MXD1: variants seen among roughly 807,000 people sequenced by gnomAD.
MXD1 encodes MAX dimerization protein 1.
In MXD1, 9 loss-of-function variants were observed where a neutral mutation model predicts 25.7. The ratio of observed to expected loss-of-function variants is 0.35; its 90% confidence interval spans 0.21 to 0.61. The LOEUF (loss-of-function observed/expected upper bound fraction) is 0.61. MXD1 is among the 20% of genes least tolerant of loss of function. MXD1 has a pLI of 0.75. For synonymous variants in MXD1, 99 were observed against 113.9 expected (o/e 0.87, Z 0.83); for missense variants, 227 against 292.4 (o/e 0.78, Z 1.63).
rs1676945739 is a variant in MXD1, at chr2:69,915,541, C to T, written c.73+138C>T. 4.9e-6 allele frequency: 3 copies of T among 617,530 alleles called. No homozygotes were observed. The highest frequency in any genetic ancestry group is 7.2e-6 in the Non-Finnish European group (3 of 416,968). 38.3% of individuals were successfully genotyped at this position (617,530 alleles called of 1,614,324 possible). ...GAGCGCTCCCAACCCCTCTGGCTCT[C>T]CCCACGCGCGGTCCGAAGGGAAGCC... On this transcript the variant is annotated intron_variant, in intron 1 of 5. Coordinates refer to ENST00000264444, the MANE Select transcript of MXD1 (RefSeq NM_002357.4). The surrounding 1 kb of genome is among the most constrained non-coding windows in gnomAD (Gnocchi z 5.8).
At chr2:69,930,119 T>C (rs1677250997) in intron 3 of MXD1, among the ~76,000 whole-genome samples, 1 of 152,212 alleles carries the variant, frequency 6.6e-6, no homozygotes, top group African/African-American at 2.4e-5. Flanking sequence ...GTTTGGAGGA[T>C]TCATATCCAG....
rs1311195465 is a variant in MXD1 at position 69,942,382 on chromosome 2, T to TA, written c.*4099dup. On this transcript the variant is annotated 3_prime_UTR_variant, in exon 6 of 6. Coordinates refer to ENST00000264444, the MANE Select transcript of MXD1 (RefSeq NM_002357.4). The stretch of plus-strand genomic sequence containing the variant: ...TCATGGTTTTTTTCATTATCAATAT[T>TA]ACATGGATGATTTTCTCAGATTCTT... 1 of 152,166 alleles carries TA rather than the reference T, an allele frequency of 6.6e-6. No individual in the cohort carries two copies. The highest frequency in any genetic ancestry group is 1.5e-5 in the Non-Finnish European group (1 of 68,010). The allele number at this position is 152,166 out of a possible 1,614,324, so 9.4% of individuals were successfully genotyped here. A position where few individuals can be genotyped will look rare whatever the true frequency, so the allele number is the denominator to read the frequency against.
chr2:69,919,432 C>A (rs1248314579), intron 2 of MXD1, among the ~76,000 whole-genome samples: 2 of 152,148 alleles, frequency 1.3e-5, no homozygotes, highest in Non-Finnish European at 2.9e-5. Flanking sequence ...ACAACCTCTA[C>A]CTCCTGGGTT....
intron 2 of MXD1, among the ~76,000 whole-genome samples, chr2:69,920,407 G>A (rs969790954): frequency 3.0e-4 from 46 of 151,894 alleles, no homozygotes; most frequent in African/African-American, 6.5e-4. Flanking sequence ...TTTTTTCTTC[G>A]TGAATAAAAA....
chr2:69,937,174 G>A (rs1007249723), intron 4 of MXD1, 61 bp from the exon 5 acceptor site: 2 of 1,598,790 alleles, frequency 1.3e-6, no homozygotes, highest in Admixed American at 1.7e-5. Context: ...GAAGATGCGG[G>A]GGCCATTGCC....
At chr2:69,935,243 C>A in intron 3 of MXD1, 108 bp from the exon 4 acceptor site, 1 of 733,686 alleles carries the variant, frequency 1.4e-6, no homozygotes, top group Non-Finnish European at 2.4e-6. Context: ...GTAGCATTTG[C>A]CATCGCAAGG....
At chr2:69,920,498 G>A (rs540083764) in intron 2 of MXD1, among the ~76,000 whole-genome samples, 3 of 152,002 alleles carry the variant, frequency 2.0e-5, no homozygotes, top group Non-Finnish European at 2.9e-5. Flanking sequence ...CCTCACTTCC[G>A]CTGCCATCCC....
rs1221347591 is a variant in MXD1 at position 69,942,464 on chromosome 2, TTGAG to T, written c.*4182_*4185del. 4 of 152,320 alleles carry T rather than the reference TTGAG, an allele frequency of 2.6e-5. No individual in the cohort carries two copies. Among genetic ancestry groups the T allele is most frequent in the East Asian group, 1.9e-4 (1 of 5,192 alleles). The allele number at this position is 152,320 out of a possible 1,614,324, so 9.4% of individuals were successfully genotyped here. ...TTCAGCTATTGAATGGCTGAAGAGATTGAGTATTTGACCTTCTCTCAAAATCATA... is the reference window on the plus strand; with the variant it reads ...TTCAGCTATTGAATGGCTGAAGAGATTATTTGACCTTCTCTCAAAATCATA... On this transcript the variant is annotated 3_prime_UTR_variant, in exon 6 of 6. Transcript: ENST00000264444.
Position 69,938,114 on chromosome 2 carries a change from G to C in MXD1, c.496G>C (p.Val166Leu). ...DSDREEIDVD[V>L]ESTDYLTGDL... ...CCCTGCAGAAGAAATCGACGTTGAC[G>C]TGGAGAGCACGGACTATCTCACAGG... The change falls in exon 6 of 6, where the codon GTG (valine) becomes CTG (leucine). Residue 166 changes from valine to leucine, a missense_variant. Coordinates refer to ENST00000264444, the MANE Select transcript of MXD1 (RefSeq NM_002357.4). 4 of 1,614,080 alleles carry C rather than the reference G, an allele frequency of 2.5e-6. No homozygotes were observed. The highest frequency in any genetic ancestry group is 3.4e-6 in the Non-Finnish European group (4 of 1,179,960).
At chr2:69,920,763 A>G (rs1433932144) in intron 2 of MXD1, among the ~76,000 whole-genome samples, 1 of 152,200 alleles carries the variant, frequency 6.6e-6, no homozygotes, top group Non-Finnish European at 1.5e-5. Context: ...CTCCTTTATA[A>G]TACTGGTAGC....
intron 5 of MXD1, 52 bp downstream of exon 5, chr2:69,937,446 A>C: frequency 7.6e-7 from 1 of 1,317,662 alleles, no homozygotes; most frequent in Non-Finnish European, 1.0e-6. Flanking sequence ...CCAACCCCAG[A>C]GCAGGGGTTC....
chr2:69,915,367 C>G lies in MXD1; in HGVS notation c.37C>G (p.Leu13Val). ...GGTTCGGATGAACATCCAGATGCTGCTGGAGGCGGCCGACTATCTGGAGCG... is the reference window on the plus strand; with the variant it reads ...GGTTCGGATGAACATCCAGATGCTGGTGGAGGCGGCCGACTATCTGGAGCG... ...AAVRMNIQML[L>V]EAADYLERRE... Residue 13 changes from leucine to valine, a missense_variant, in exon 1 of 6, where the codon CTG (leucine) becomes GTG (valine). Transcript: ENST00000264444. The surrounding 1 kb of genome is among the most constrained non-coding windows in gnomAD (Gnocchi z 5.8). The G allele has an allele frequency of 7.8e-7, 1 of 1,288,640 alleles. No individual in the cohort carries two copies. Among genetic ancestry groups the G allele is most frequent in the Non-Finnish European group, 9.9e-7 (1 of 1,008,726 alleles). 79.8% of individuals were successfully genotyped at this position (1,288,640 alleles called of 1,614,324 possible). A position where few individuals can be genotyped will look rare whatever the true frequency, so the allele number is the denominator to read the frequency against.
At chr2:69,931,668 TACTG>T (rs1237161791) in intron 3 of MXD1, among the ~76,000 whole-genome samples, 1 of 152,250 alleles carries the variant, frequency 6.6e-6, no homozygotes, top group Non-Finnish European at 1.5e-5. Context: ...ACTTAAAACT[TACTG>T]AATAGAATCT....
At chr2:69,931,846 G>A (rs1051656374) in intron 3 of MXD1, among the ~76,000 whole-genome samples, 11 of 152,196 alleles carry the variant, frequency 7.2e-5, no homozygotes, top group African/African-American at 2.7e-4. Context: ...AGAAGGTGAA[G>A]TTTGTTAGTC....
chr2:69,925,865 G>C (rs1379105912), intron 3 of MXD1, among the ~76,000 whole-genome samples: 1 of 152,060 alleles, frequency 6.6e-6, no homozygotes, highest in Non-Finnish European at 1.5e-5. Flanking sequence ...CACCAGGCAG[G>C]TTACAGGCAT....
At chr2:69,935,799 C>G (rs1395492528) in intron 4 of MXD1, among the ~76,000 whole-genome samples, 1 of 152,212 alleles carries the variant, frequency 6.6e-6, no homozygotes, top group African/African-American at 2.4e-5. Context: ...TCCCCACTGT[C>G]TACTGCAATA....
chr2:69,922,424 C>G (rs1479143317), intron 3 of MXD1, among the ~76,000 whole-genome samples: 1 of 152,168 alleles, frequency 6.6e-6, no homozygotes, highest in Non-Finnish European at 1.5e-5. Context: ...TGGTTTTCAA[C>G]TCTGGTTGCA....
At chr2:69,922,411 G>A (rs542245057) in intron 3 of MXD1, among the ~76,000 whole-genome samples, 2 of 152,232 alleles carry the variant, frequency 1.3e-5, no homozygotes, top group East Asian at 1.9e-4. Context: ...TGAGGCAGCC[G>A]AGTGGTTTTC....
In MXD1 at chr2:69,938,167, G is replaced by A. The variant is rs369156630; in HGVS notation, c.549G>A (p.Val183=). 9.0e-5 allele frequency: 146 copies of A among 1,614,118 alleles called. No homozygotes were observed. Among genetic ancestry groups the A allele is most frequent in the Non-Finnish European group, 1.1e-4 (124 of 1,180,046 alleles). ...ATCTGGACTGGAGCAGCAGCAGTGT[G>A]AGCGACTCTGACGAGCGGGGCAGCA... ...TGDLDWSSSS[V]SDSDERGSMQ... Residue 183 remains valine, a synonymous_variant, in exon 6 of 6, where the codon GTG becomes GTA. Coordinates refer to ENST00000264444, the MANE Select transcript of MXD1 (RefSeq NM_002357.4).
Sources: gnomAD v4.1 joint callset for allele counts (sites outside exome capture counted in the v4.1 genomes callset) on GRCh38, gnomAD v4.1.1 for gene constraint, Gnocchi (gnomAD v3.1) non-coding constraint, MANE v1.5 for transcripts, NCBI Gene and HGNC (gene_info 2026-07-23, HGNC 2026-07-21) for gene names.